SATB2: variants seen among roughly 807,000 people sequenced by gnomAD.
SATB2 encodes the protein SATB homeobox 2.
SATB2 carries 1 observed loss-of-function variant against 73.4 expected under a neutral mutation model. The ratio of observed to expected loss-of-function variants is 0.01; its 90% CI spans 0.00 to 0.06. The LOEUF (loss-of-function observed/expected upper bound fraction) is 0.06. SATB2 is among the 10% of genes least tolerant of loss of function. SATB2 has a pLI of 1.00. For synonymous variants in SATB2, 397 were observed against 367.0 expected (o/e 1.08, Z -0.93); for missense variants, 459 against 945.8 (o/e 0.49, Z 6.75).
upstream of SATB2, chr2:199,459,568 G>T (rs1692415520): frequency 6.5e-6 from 1 of 152,746 alleles, no homozygotes; most frequent in Admixed American, 6.5e-5. The surrounding 1 kb of genome is among the most constrained non-coding windows in gnomAD (Gnocchi z 4.2). Flanking sequence ...CGGCCCTGAG[G>T]CCAGAGAATC....
intron 3 of SATB2, among the ~76,000 whole-genome samples, chr2:199,389,924 T>C (rs1018817818): frequency 3.3e-5 from 5 of 152,142 alleles, no homozygotes; most frequent in African/African-American, 9.7e-5. Flanking sequence ...ATTTGGTGCC[T>C]TGTAATTCTA....
At chr2:199,327,768 T>C (rs921592978) in intron 8 of SATB2, among the ~76,000 whole-genome samples, 14 of 152,266 alleles carry the variant, frequency 9.2e-5, no homozygotes, top group African/African-American at 3.4e-4. Context: ...CACCAAATTC[T>C]GTGGGGAGAT....
intron 2 of SATB2, among the ~76,000 whole-genome samples, chr2:199,449,932 A>C (rs1427103481): frequency 6.6e-6 from 1 of 152,068 alleles, no homozygotes; most frequent in Non-Finnish European, 1.5e-5. Flanking sequence ...TAGAAACTAA[A>C]AGGCAAACTC....
chr2:199,315,731 T>C (rs996949401), intron 9 of SATB2, among the ~76,000 whole-genome samples: 2 of 152,114 alleles, frequency 1.3e-5, no homozygotes, highest in Admixed American at 1.3e-4. Context: ...GTTCATAGCC[T>C]GCTCTGATCT....
At chr2:199,273,455 A>C (rs1162342406) in intron 10 of SATB2, among the ~76,000 whole-genome samples, 1 of 152,228 alleles carries the variant, frequency 6.6e-6, no homozygotes, top group African/African-American at 2.4e-5. Context: ...AATGACTCTT[A>C]CAGTGTTATA....
At position 199,271,893 on chromosome 2, in the gene SATB2, G is replaced by C; in HGVS notation, c.*318C>G. Reference sequence around the variant, plus strand: ...TGATGTAACTTCCGTTAAGTGCAAGGATAATGAAGGCAGAGTCTCCTGTGA... The same window carrying C: ...TGATGTAACTTCCGTTAAGTGCAAGCATAATGAAGGCAGAGTCTCCTGTGA... On this transcript the variant is annotated 3_prime_UTR_variant, in exon 11 of 11. Transcript: ENST00000417098. 1 of 396,570 alleles carries C rather than the reference G, an allele frequency of 2.5e-6. No homozygotes were observed. The highest frequency in any genetic ancestry group is 5.7e-5 in the East Asian group (1 of 17,536). The allele number at this position is 396,570 out of a possible 1,614,324, so 24.6% of individuals were successfully genotyped here.
At position 199,275,213 on chromosome 2, in the gene SATB2, C is replaced by T. The variant is rs186515274; in HGVS notation, c.1741-2541G>A. Among the ~76,000 whole-genome samples the T allele has an allele frequency of 3.1e-4, 47 of 152,252 alleles. 5 individuals are homozygous for T. Among genetic ancestry groups the T allele is most frequent in the Admixed American group, 2.2e-3 (34 of 15,298 alleles). On this transcript the variant is annotated intron_variant, in intron 10 of 10. Coordinates refer to ENST00000417098, the MANE Select transcript of SATB2 (RefSeq NM_001172509.2). ...CACTGGTTAGATTTAAAGAGATTTT[C>T]CAAAACTATACTTTGAAGTTACTAT... is the stretch of plus-strand genomic sequence containing the variant.
Position 199,371,978 on chromosome 2 carries a change from T to TAA in SATB2, c.598-3273_598-3272dup, listed in dbSNP as rs542586554. 2.1e-3 allele frequency among the ~76,000 whole-genome samples: 321 copies of TAA among 152,276 alleles called. 2 individuals carry two copies. Among genetic ancestry groups the TAA allele is most frequent in the African/African-American group, 7.5e-3 (311 of 41,550 alleles). ...AAAAGAAAGGATGAGGGTACACGTATAATGGGCAACTGCGGCAGTCCCCAC... is the reference window on the plus strand; with the variant it reads ...AAAAGAAAGGATGAGGGTACACGTATAAAATGGGCAACTGCGGCAGTCCCCAC... On this transcript the variant is annotated intron_variant, in intron 5 of 10. Transcript: ENST00000417098.
At chr2:199,448,419 C>A (rs1026990042) in intron 2 of SATB2, among the ~76,000 whole-genome samples, 2 of 151,852 alleles carry the variant, frequency 1.3e-5, no homozygotes, top group African/African-American at 4.8e-5. Context: ...AAAAAAAAAT[C>A]AATCACAATC....
At chr2:199,386,943 C>A (rs1202551897) in intron 3 of SATB2, among the ~76,000 whole-genome samples, 1 of 152,132 alleles carries the variant, frequency 6.6e-6, no homozygotes, top group African/African-American at 2.4e-5. Context: ...ACCCAGATAA[C>A]CCACCTGAAG....
chr2:199,416,727 G>A (rs1335570597), intron 3 of SATB2, among the ~76,000 whole-genome samples: 6 of 152,046 alleles, frequency 3.9e-5, no homozygotes, highest in African/African-American at 1.4e-4. Flanking sequence ...TCATTATGCT[G>A]GAACACAACT....
chr2:199,360,144 C>G (rs1223877504), intron 6 of SATB2, among the ~76,000 whole-genome samples: 2 of 152,030 alleles, frequency 1.3e-5, no homozygotes, highest in African/African-American at 4.8e-5. Flanking sequence ...ATCAAGAAAC[C>G]AAAAGAGTTC....
At chr2:199,310,660 A>T (rs556373089) in intron 9 of SATB2, among the ~76,000 whole-genome samples, 2 of 152,354 alleles carry the variant, frequency 1.3e-5, no homozygotes, top group South Asian at 2.1e-4. Flanking sequence ...CTCCAACTGA[A>T]TTCTTTCAAA....
At chr2:199,341,773 A>G (rs778480201) in intron 7 of SATB2, among the ~76,000 whole-genome samples, 10 of 152,206 alleles carry the variant, frequency 6.6e-5, no homozygotes, top group African/African-American at 2.2e-4. Context: ...GGCATGACCA[A>G]TTAGGCTGGA....
At chr2:199,383,590 G>A (rs1689841215) in intron 3 of SATB2, among the ~76,000 whole-genome samples, 1 of 152,072 alleles carries the variant, frequency 6.6e-6, no homozygotes, top group Non-Finnish European at 1.5e-5. Context: ...TGACAGAATG[G>A]GGGGGAATGA....
intron 5 of SATB2, among the ~76,000 whole-genome samples, chr2:199,379,587 T>C (rs976914471): frequency 3.3e-5 from 5 of 152,192 alleles, no homozygotes; most frequent in Non-Finnish European, 7.4e-5. Context: ...CTCCTGTTTC[T>C]TGATCTATAA....
intron 7 of SATB2, among the ~76,000 whole-genome samples, chr2:199,344,607 C>G (rs764358544): frequency 9.2e-5 from 14 of 152,218 alleles, no homozygotes; most frequent in South Asian, 2.1e-4. Context: ...AAAATGTCAG[C>G]ACCAAACCTC....
At chr2:199,407,156 AC>A (rs1690654797) in intron 3 of SATB2, among the ~76,000 whole-genome samples, 1 of 151,864 alleles carries the variant, frequency 6.6e-6, no homozygotes, top group South Asian at 2.1e-4. Flanking sequence ...CCTCATCTCT[AC>A]CAAAAATACA....
intron 5 of SATB2, among the ~76,000 whole-genome samples, chr2:199,372,201 A>C (rs1689469941): frequency 1.3e-5 from 2 of 152,308 alleles, no homozygotes; most frequent in East Asian, 3.9e-4. Flanking sequence ...TGGGAGATAA[A>C]GTATAGGTGT....
Sources: gnomAD v4.1 joint callset for allele counts (sites outside exome capture counted in the v4.1 genomes callset) on GRCh38, gnomAD v4.1.1 for gene constraint, Gnocchi (gnomAD v3.1) non-coding constraint, MANE v1.5 for transcripts, NCBI Gene and HGNC (gene_info 2026-07-23, HGNC 2026-07-21) for gene names.